DNER: variants seen among roughly 807,000 people sequenced by gnomAD.
The protein encoded by DNER is delta/notch like EGF repeat containing.
In DNER, 33 loss-of-function variants were observed where a neutral mutation model predicts 78.2. That is an observed-to-expected ratio of 0.42 (90% CI 0.32 to 0.56). DNER has a LOEUF of 0.56. Ranked by LOEUF, DNER falls within the 20% of genes least tolerant of loss-of-function variation. The pLI is 0.11. For synonymous variants in DNER, 417 were observed against 384.8 expected (o/e 1.08, Z -0.98); for missense variants, 918 against 975.3 (o/e 0.94, Z 0.78).
At chr2:229,673,153 T>C (rs764761465) in intron 1 of DNER, among the ~76,000 whole-genome samples, 1 of 152,254 alleles carries the variant, frequency 6.6e-6, no homozygotes, top group African/African-American at 2.4e-5. Flanking sequence ...GGTAACGTGA[T>C]GTGAAAGTGG....
At chr2:229,493,167 C>T (rs950176753) in intron 6 of DNER, among the ~76,000 whole-genome samples, 3 of 152,112 alleles carry the variant, frequency 2.0e-5, no homozygotes, top group African/African-American at 7.2e-5. Context: ...GAAGGGAACA[C>T]GCGCAACAAC....
At chr2:229,435,169 T>C (rs918161864) in intron 8 of DNER, among the ~76,000 whole-genome samples, 1 of 152,174 alleles carries the variant, frequency 6.6e-6, no homozygotes, top group Non-Finnish European at 1.5e-5. Flanking sequence ...GACCTTGTGT[T>C]CTGTTGCTGC....
intron 8 of DNER, among the ~76,000 whole-genome samples, chr2:229,440,217 A>C (rs1574844175): frequency 1.3e-5 from 2 of 152,334 alleles, no homozygotes; most frequent in South Asian, 4.1e-4. Context: ...TAAAGAAGGC[A>C]AATATCACGA....
chr2:229,694,038 A>T (rs1699625282), intron 1 of DNER, among the ~76,000 whole-genome samples: 1 of 152,214 alleles, frequency 6.6e-6, no homozygotes, highest in African/African-American at 2.4e-5. Flanking sequence ...GCCTTGGGAC[A>T]TGGTGCCTTG....
chr2:229,599,643 A>G (rs2052306), intron 1 of DNER, among the ~76,000 whole-genome samples: 55,322 of 152,118 alleles, frequency 0.36, 10,233 homozygotes, highest in East Asian at 0.5. Context: ...ATTATTTTTA[A>G]TCATTGCAAC....
chr2:229,554,682 C>T (rs189622453), intron 4 of DNER, among the ~76,000 whole-genome samples: 11 of 151,944 alleles, frequency 7.2e-5, no homozygotes, highest in African/African-American at 2.4e-4. Flanking sequence ...GAGTAAGGCT[C>T]TGTCTCAAAA....
chr2:229,642,949 C>T lies in DNER; in HGVS notation c.277-51061G>A, dbSNP rs952489960. On this transcript the variant is annotated intron_variant, in intron 1 of 12. Coordinates refer to ENST00000341772, the MANE Select transcript of DNER (RefSeq NM_139072.4). ...TAAAAAATAATACTAAGGGGTCAGG[C>T]ACAGTGGCTCATGACTGCAGGCCCA... 8.5e-5 allele frequency among the ~76,000 whole-genome samples: 13 copies of T among 152,154 alleles called. 1 individual carries two copies. The highest frequency in any genetic ancestry group is 2.9e-5 in the Non-Finnish European group (2 of 68,034).
At chr2:229,698,707 C>A (rs1458915299) in intron 1 of DNER, among the ~76,000 whole-genome samples, 1 of 152,158 alleles carries the variant, frequency 6.6e-6, no homozygotes, top group African/African-American at 2.4e-5. Context: ...CCACATCCTA[C>A]TCTCCCTTGG....
At chr2:229,513,923 T>C (rs1383387579) in intron 5 of DNER, among the ~76,000 whole-genome samples, 3 of 151,708 alleles carry the variant, frequency 2.0e-5, no homozygotes, top group Non-Finnish European at 4.4e-5. Context: ...CCGCTGCTAA[T>C]CTTAGAAAGA....
At chr2:229,644,220 G>T (rs2154216090) in intron 1 of DNER, among the ~76,000 whole-genome samples, 1 of 152,006 alleles carries the variant, frequency 6.6e-6, no homozygotes, top group East Asian at 1.9e-4. Context: ...ATACAGGCAT[G>T]CAATGTGTGA....
chr2:229,467,900 G>A (rs1299447622), intron 7 of DNER, among the ~76,000 whole-genome samples: 2 of 151,914 alleles, frequency 1.3e-5, no homozygotes, highest in African/African-American at 2.4e-5. Context: ...AAGCAGGCAG[G>A]TTTTGGAAGG....
intron 7 of DNER, among the ~76,000 whole-genome samples, chr2:229,450,910 C>T (rs1380216976): frequency 6.6e-6 from 1 of 152,158 alleles, no homozygotes. Flanking sequence ...AAGACTCATA[C>T]AAATAGGGAG....
At chr2:229,581,994 C>T (rs932885405) in intron 4 of DNER, among the ~76,000 whole-genome samples, 1 of 152,050 alleles carries the variant, frequency 6.6e-6, no homozygotes, top group Non-Finnish European at 1.5e-5. Context: ...CTGAAAGTGC[C>T]TCAGCTTCTC....
chr2:229,672,384 GGA>G (rs1231400701), intron 1 of DNER, among the ~76,000 whole-genome samples: 1 of 151,868 alleles, frequency 6.6e-6, no homozygotes, highest in East Asian at 1.9e-4. Flanking sequence ...AAAGGTGCAT[GGA>G]GAGAGAGGAG....
intron 5 of DNER, among the ~76,000 whole-genome samples, chr2:229,523,682 T>TC (rs930885103): frequency 6.6e-5 from 10 of 152,236 alleles, no homozygotes. Flanking sequence ...TATTTCCCTT[T>TC]CCCCTTTCTG....
chr2:229,496,550 T>C (rs951980349), intron 6 of DNER, among the ~76,000 whole-genome samples: 1 of 152,158 alleles, frequency 6.6e-6, no homozygotes, highest in East Asian at 1.9e-4. Context: ...ATATGATGCC[T>C]ACCAGAGATT....
At chr2:229,480,476 C>T (rs1172196588) in intron 6 of DNER, among the ~76,000 whole-genome samples, 5 of 152,066 alleles carry the variant, frequency 3.3e-5, no homozygotes, top group African/African-American at 9.7e-5. Flanking sequence ...TTCTTAAGAA[C>T]CACAACTGTC....
At chr2:229,676,395 C>G (rs929653589) in intron 1 of DNER, among the ~76,000 whole-genome samples, 1 of 152,056 alleles carries the variant, frequency 6.6e-6, no homozygotes, top group Admixed American at 6.5e-5. Flanking sequence ...TGTGAAGATT[C>G]AACGTTTCTG....
intron 1 of DNER, among the ~76,000 whole-genome samples, chr2:229,684,262 T>C (rs1303751961): frequency 6.7e-6 from 1 of 149,130 alleles, no homozygotes; most frequent in Non-Finnish European, 1.5e-5. Context: ...TAGGAGGTGA[T>C]GGCTGAGCTG....
Sources: allele counts gnomAD v4.1 joint callset (sites outside exome capture counted in the v4.1 genomes callset), GRCh38; gene constraint gnomAD v4.1.1; transcripts MANE v1.5; gene names NCBI Gene and HGNC (gene_info 2026-07-23, HGNC 2026-07-21).